Variants in IL1RAPL1 observed in about 807,000 individuals in gnomAD.
IL1RAPL1 encodes the protein interleukin-1 receptor accessory protein-like 1.
A neutral mutation model predicts 48.4 loss-of-function variants in IL1RAPL1; 3 were observed. That is an observed-to-expected ratio of 0.06 (90% confidence interval 0.03 to 0.16). The LOEUF (loss-of-function observed/expected upper bound fraction) is 0.16. Among genes scored for constraint, IL1RAPL1 ranks in the 10% least tolerant of loss-of-function variants. IL1RAPL1 has a pLI of 1.00. For missense variants in IL1RAPL1, 349 were observed against 530.6 expected, an observed-to-expected ratio of 0.66 and a Z score of 3.36; for synonymous variants, 185 against 187.7, an observed-to-expected ratio of 0.99 and a Z score of 0.12.
intron 2 of IL1RAPL1, among the ~76,000 whole-genome samples, chrX:29,100,980 G>A (rs1928325153): frequency 9.0e-6 from 1 of 111,507 alleles, no homozygotes; most frequent in Non-Finnish European, 1.9e-5. Context: ...GGTAGTTTTG[G>A]GAATGTGTAT....
chrX:29,295,349 C>A (rs1306062023), intron 3 of IL1RAPL1, among the ~76,000 whole-genome samples: 1 of 111,899 alleles, frequency 8.9e-6, no homozygotes, highest in Non-Finnish European at 1.9e-5. Flanking sequence ...GTTCCCCCAT[C>A]GCTGGTTTGC....
chrX:28,772,322 AT>A (rs1227224605), intron 1 of IL1RAPL1, among the ~76,000 whole-genome samples: 6 of 111,717 alleles, frequency 5.4e-5, no homozygotes, highest in Admixed American at 9.5e-5. Flanking sequence ...TTTAAAAAAA[AT>A]CTATTCTCCT....
chrX:28,967,628 G>A (rs1158403131), intron 2 of IL1RAPL1, among the ~76,000 whole-genome samples: 1 of 111,277 alleles, frequency 9.0e-6, no homozygotes, highest in East Asian at 2.8e-4. Context: ...ATCATTACAA[G>A]CACTTGACAT....
chrX:29,386,891 T>C (rs777126344), intron 3 of IL1RAPL1, among the ~76,000 whole-genome samples: 27 of 112,187 alleles, frequency 2.4e-4, no homozygotes, highest in Non-Finnish European at 4.7e-4. Context: ...TTCAATTCTT[T>C]AATAAATAAT....
In IL1RAPL1 at chrX:29,223,795, G is replaced by A. The variant is rs182353324; in HGVS notation, c.83-59143G>A. On this transcript the variant is annotated intron_variant, in intron 2 of 10. Transcript: ENST00000378993. ...CCTGACCTCATGATCCACCCGCCTC[G>A]TCCTCCCAAAGCGCTGGGATTACAA... Among the ~76,000 whole-genome samples the A allele has an allele frequency of 9.6e-3, 1,061 of 110,247 alleles. 18 individuals are homozygous for A. Among genetic ancestry groups the A allele is most frequent in the African/African-American group, 0.034 (1,015 of 30,267 alleles).
chrX:29,803,338 T>TGTATATATGTATACATGTATACAC (rs1569174203), intron 6 of IL1RAPL1, among the ~76,000 whole-genome samples: 2 of 59,386 alleles, frequency 3.4e-5, no homozygotes, highest in Non-Finnish European at 5.9e-5. Context: ...TGTATACACA[T>TGTATATATGTATACATGTATACAC]ATGTATATAT....
intron 1 of IL1RAPL1, among the ~76,000 whole-genome samples, chrX:28,627,773 C>T (rs1934356051): frequency 9.0e-6 from 1 of 111,481 alleles, no homozygotes; most frequent in Non-Finnish European, 1.9e-5. Context: ...ATCAGGTGCA[C>T]ATCTGAAAAA....
At chrX:29,757,613 C>A (rs919656396) in intron 6 of IL1RAPL1, among the ~76,000 whole-genome samples, 10 of 111,810 alleles carry the variant, frequency 8.9e-5, no homozygotes, top group African/African-American at 2.9e-4. Context: ...AGAAACAAAA[C>A]AAAAAGTCAA....
chrX:28,655,828 G>A (rs1014731206), intron 1 of IL1RAPL1, among the ~76,000 whole-genome samples: 4 of 111,536 alleles, frequency 3.6e-5, no homozygotes, highest in African/African-American at 1.3e-4. Flanking sequence ...AAGAAAAGGT[G>A]GAATTTTAAA....
chrX:29,941,941 G>A (rs1351833510), intron 9 of IL1RAPL1, 147 bp downstream of exon 9: 6 of 525,159 alleles, frequency 1.1e-5, no homozygotes, highest in Non-Finnish European at 1.9e-5. Flanking sequence ...TTTCTCTTTT[G>A]TAAGGAAATG....
At chrX:29,810,981 T>C (rs1157644160) in intron 6 of IL1RAPL1, among the ~76,000 whole-genome samples, 2 of 111,726 alleles carry the variant, frequency 1.8e-5, no homozygotes, top group Non-Finnish European at 3.8e-5. Context: ...GATTTAAATA[T>C]CCCAAGACTT....
chrX:28,615,207 T>TG (rs1934201827), intron 1 of IL1RAPL1, among the ~76,000 whole-genome samples: 3 of 44,533 alleles, frequency 6.7e-5, no homozygotes, highest in Non-Finnish European at 8.8e-5. Context: ...CTGTTTTTTT[T>TG]TTTTTTTTTT....
intron 6 of IL1RAPL1, among the ~76,000 whole-genome samples, chrX:29,767,215 A>AT (rs1200023862): frequency 1.8e-5 from 2 of 112,225 alleles, no homozygotes; most frequent in African/African-American, 3.2e-5. Context: ...AGAAGCATGT[A>AT]TTTATACACA....
intron 6 of IL1RAPL1, among the ~76,000 whole-genome samples, chrX:29,885,973 A>T (rs988488701): frequency 8.9e-6 from 1 of 112,312 alleles, no homozygotes; most frequent in Non-Finnish European, 1.9e-5. Context: ...ATTCTTATTA[A>T]CATTTTAAAA....
chrX:29,870,303 G>A (rs751552025), intron 6 of IL1RAPL1, among the ~76,000 whole-genome samples: 1 of 111,914 alleles, frequency 8.9e-6, no homozygotes, highest in African/African-American at 3.2e-5. Context: ...CTGCAGCCAG[G>A]GGCAAAGATA....
chrX:29,746,671 G>A (rs935866370), intron 6 of IL1RAPL1, among the ~76,000 whole-genome samples: 4 of 110,833 alleles, frequency 3.6e-5, no homozygotes, highest in East Asian at 2.8e-4. Flanking sequence ...GCAGTGGCGC[G>A]ATCTCAGCTC....
In IL1RAPL1 at chrX:28,785,685, A is replaced by G. The variant is rs769933771; in HGVS notation, c.-24-3635A>G. Among the ~76,000 whole-genome samples, 120 of 112,078 alleles carry G rather than the reference A, an allele frequency of 1.1e-3. 1 individual carries two copies. Among genetic ancestry groups the G allele is most frequent in the Non-Finnish European group, 2.0e-3 (107 of 53,267 alleles). On this transcript the variant is annotated intron_variant, in intron 1 of 10. Transcript: ENST00000378993. ...AATACATGTTCTTAACTTCAGCTAC[A>G]GTTACAGTGTTGTGTTATCTTCCAT...
intron 5 of IL1RAPL1, among the ~76,000 whole-genome samples, chrX:29,596,176 T>G (rs1489869055): frequency 1.8e-5 from 2 of 111,620 alleles, no homozygotes; most frequent in African/African-American, 6.5e-5. Context: ...TGCCTCCAGA[T>G]TTGTTCTTTT....
chrX:29,787,325 C>T (rs1361384815), intron 6 of IL1RAPL1, among the ~76,000 whole-genome samples: 1 of 111,636 alleles, frequency 9.0e-6, no homozygotes, highest in Non-Finnish European at 1.9e-5. Flanking sequence ...TGGCACAATG[C>T]CCATATTCTG....
Sources: allele counts gnomAD v4.1 joint callset (sites outside exome capture counted in the v4.1 genomes callset), GRCh38; gene constraint gnomAD v4.1.1; transcripts MANE v1.5; gene names NCBI Gene and HGNC (gene_info 2026-07-23, HGNC 2026-07-21).